Variants in MYL9 observed in about 807,000 individuals in gnomAD.
MYL9 encodes the protein myosin light chain 9, also known as myosin regulatory light polypeptide 9.
A neutral mutation model predicts 12.8 loss-of-function variants in MYL9; 7 were observed. The ratio of observed to expected loss-of-function variants is 0.55; its 90% confidence interval spans 0.31 to 1.03. The LOEUF is 1.03. Among genes scored for constraint, MYL9 ranks in the 50% least tolerant of loss-of-function variants. The pLI is 0.05. For missense variants in MYL9, 190 were observed against 242.7 expected, an observed-to-expected ratio of 0.78 and a Z score of 1.44; for synonymous variants, 81 against 87.8, an observed-to-expected ratio of 0.92 and a Z score of 0.43.
intron 3 of MYL9, 67 bp from the exon 4 acceptor site, chr20:36,549,010 G>C: frequency 6.7e-7 from 1 of 1,500,896 alleles, no homozygotes; most frequent in Non-Finnish European, 9.1e-7. Context: ...AGGGGGCTGA[G>C]GGATGGGGCT....
rs573813643 is a variant in MYL9, at chr20:36,548,163, G to A, written c.316G>A (p.Ala106Thr). 2.3e-5 allele frequency: 37 copies of A among 1,613,298 alleles called. No individual in the cohort carries two copies. Among genetic ancestry groups the A allele is most frequent in the East Asian group, 1.8e-4 (8 of 44,856 alleles). ...GTDPEDVIRN[A>T]FACFDEEASG... Reference sequence around the variant, plus strand: ...GGACCCCGAGGATGTGATTCGCAACGCCTTTGCCTGCTTCGACGAGGAAGC... The same window carrying A: ...GGACCCCGAGGATGTGATTCGCAACACCTTTGCCTGCTTCGACGAGGAAGC... Residue 106 changes from alanine to threonine, a missense_variant, in exon 3 of 4, where the codon GCC becomes ACC. Transcript: ENST00000279022.
chr20:36,543,297 G>A (rs1330276869), intron 1 of MYL9, among the ~76,000 whole-genome samples: 1 of 152,216 alleles, frequency 6.6e-6, no homozygotes, highest in Non-Finnish European at 1.5e-5. Flanking sequence ...GGGGCTGGCC[G>A]GGATCCCAGT....
intron 2 of MYL9, among the ~76,000 whole-genome samples, chr20:36,545,395 G>A (rs1162666338): frequency 4.0e-5 from 6 of 151,784 alleles, no homozygotes; most frequent in Admixed American, 3.9e-4. Flanking sequence ...TACTTGGGAG[G>A]CTGAGGCAGG....
intron 2 of MYL9, 36 bp downstream of exon 2, chr20:36,545,104 G>A (rs1361552698): frequency 6.2e-7 from 1 of 1,603,448 alleles, no homozygotes. Flanking sequence ...AGATGGATGA[G>A]GCCAGGCAGG....
At chr20:36,546,606 A>G (rs1330644665) in intron 2 of MYL9, among the ~76,000 whole-genome samples, 1 of 150,128 alleles carries the variant, frequency 6.7e-6, no homozygotes, top group African/African-American at 2.4e-5. Flanking sequence ...CAGGAAGTAA[A>G]CTCCAGGGTT....
At chr20:36,547,891 A>T in intron 2 of MYL9, 141 bp from the exon 3 acceptor site, 2 of 1,074,626 alleles carry the variant, frequency 1.9e-6, no homozygotes, top group Non-Finnish European at 2.6e-6. Flanking sequence ...CGCTAGAGCC[A>T]TGCTTTCCAG....
At chr20:36,546,627 C>G (rs201380822) in intron 2 of MYL9, among the ~76,000 whole-genome samples, 1 of 150,742 alleles carries the variant, frequency 6.6e-6, no homozygotes, top group African/African-American at 2.4e-5. Context: ...CTTTTTTTTT[C>G]CCCCCGAGAC....
In MYL9 at chr20:36,549,582, T is replaced by G; in HGVS notation, c.*333T>G. ...CCGAGGAGGAAGGGAAGGGGCTCTG[T>G]GTGCCCCCCAGGAGGAAGAGGCCCT... On this transcript the variant is annotated 3_prime_UTR_variant, in exon 4 of 4. Coordinates refer to ENST00000279022, the MANE Select transcript of MYL9 (RefSeq NM_006097.5). The G allele has an allele frequency of 4.1e-6, 1 of 245,902 alleles. No individual in the cohort carries two copies. Among genetic ancestry groups the G allele is most frequent in the Non-Finnish European group, 8.0e-6 (1 of 125,014 alleles). The allele number at this position is 245,902 out of a possible 1,614,324, so 15.2% of individuals were successfully genotyped here.
chr20:36,545,653 A>G (rs1040329799), intron 2 of MYL9, among the ~76,000 whole-genome samples: 54 of 148,816 alleles, frequency 3.6e-4, no homozygotes, highest in African/African-American at 1.1e-3. Context: ...TCAGCTGGCC[A>G]GGCGCTGTGG....
intron 1 of MYL9, among the ~76,000 whole-genome samples, chr20:36,542,411 A>T (rs2038047817): frequency 6.6e-6 from 1 of 152,152 alleles, no homozygotes; most frequent in African/African-American, 2.4e-5. Context: ...GATGGGGGAC[A>T]TGGCATCCAG....
At chr20:36,542,561 C>T (rs573999412) in intron 1 of MYL9, among the ~76,000 whole-genome samples, 12 of 152,204 alleles carry the variant, frequency 7.9e-5, no homozygotes, top group African/African-American at 2.6e-4. Flanking sequence ...TCTGGATACA[C>T]AGAGCCCTTT....
chr20:36,548,817 G>A (rs2038134131), intron 3 of MYL9, among the ~76,000 whole-genome samples: 1 of 152,140 alleles, frequency 6.6e-6, no homozygotes, highest in East Asian at 1.9e-4. Context: ...AGTTCCCCAA[G>A]TGACACCTCG....
chr20:36,546,456 C>A (rs2038101158), intron 2 of MYL9, among the ~76,000 whole-genome samples: 1 of 152,130 alleles, frequency 6.6e-6, no homozygotes, highest in African/African-American at 2.4e-5. Context: ...TGACATTTCC[C>A]CACGAGGCAC....
intron 1 of MYL9, among the ~76,000 whole-genome samples, chr20:36,542,978 G>A (rs2038054661): frequency 6.6e-6 from 1 of 152,236 alleles, no homozygotes; most frequent in Non-Finnish European, 1.5e-5. Context: ...GGTGGGGACA[G>A]TGATGGCCAT....
intron 1 of MYL9, 65 bp from the exon 2 acceptor site, chr20:36,544,792 TGG>T: frequency 7.1e-7 from 1 of 1,399,954 alleles, no homozygotes; most frequent in Non-Finnish European, 9.7e-7. Context: ...AAAGCCAGTC[TGG>T]GGGAGGCAGG....
In MYL9 at chr20:36,551,133, CG is replaced by C. The variant is rs2038162484; in HGVS notation, c.*1886del. On this transcript the variant is annotated 3_prime_UTR_variant, in exon 4 of 4. Transcript: ENST00000279022. ...AGTTCACCCCACCTTCACCCCGAGA[CG>C]GAAGACGGAAGAGCTTCGCACACAG... The C allele has an allele frequency of 6.6e-6, 1 of 152,546 alleles. No homozygotes were observed. The highest frequency in any genetic ancestry group is 2.4e-5 in the African/African-American group (1 of 41,462). 9.4% of individuals were successfully genotyped at this position (152,546 alleles called of 1,614,324 possible).
intron 1 of MYL9, among the ~76,000 whole-genome samples, chr20:36,544,440 G>GGAAA (rs1292967882): frequency 1.3e-5 from 2 of 152,162 alleles, no homozygotes; most frequent in East Asian, 3.9e-4. Context: ...CTTGTCACTT[G>GGAAA]GAAAGAGAGA....
rs1339017706 is a variant in MYL9 at position 36,551,189 on chromosome 20, C to T, written c.*1940C>T. 1 of 152,276 alleles carries T rather than the reference C, an allele frequency of 6.6e-6. No homozygotes were observed. Among genetic ancestry groups the T allele is most frequent in the Non-Finnish European group, 1.5e-5 (1 of 68,168 alleles). The allele number at this position is 152,276 out of a possible 1,614,324, so 9.4% of individuals were successfully genotyped here. ...GAAGAGGTCAGGACCAGTCCAGCCT[C>T]ACTGGCTTCAGAACTGGCCTGGGGG... On this transcript the variant is annotated 3_prime_UTR_variant, in exon 4 of 4. Coordinates refer to ENST00000279022, the MANE Select transcript of MYL9 (RefSeq NM_006097.5).
rs150788040 is a variant in MYL9, at chr20:36,544,971, C to A, written c.87C>A (p.Ser29=). ...ATGTCTTCGCAATGTTTGACCAGTCCCAGATCCAGGAGTTTAAGGAGGCTT... is the reference window on the plus strand; with the variant it reads ...ATGTCTTCGCAATGTTTGACCAGTCACAGATCCAGGAGTTTAAGGAGGCTT... ...TSNVFAMFDQ[S]QIQEFKEAFN... Residue 29 remains serine, a synonymous_variant, in exon 2 of 4, where the codon TCC becomes TCA. Coordinates refer to ENST00000279022, the MANE Select transcript of MYL9 (RefSeq NM_006097.5). 4.3e-5 allele frequency: 69 copies of A among 1,613,930 alleles called. No individual in the cohort carries two copies. The East Asian group carries it at 1.5e-3, about 35-fold the overall frequency.
Sources: allele counts gnomAD v4.1 joint callset (sites outside exome capture counted in the v4.1 genomes callset), GRCh38; gene constraint gnomAD v4.1.1; transcripts MANE v1.5; gene names NCBI Gene and HGNC (gene_info 2026-07-23, HGNC 2026-07-21).